CNPY2: variants seen among roughly 807,000 people sequenced by gnomAD.
The protein encoded by CNPY2 is protein canopy homolog 2.
In CNPY2, 19 loss-of-function variants were observed where a neutral mutation model predicts 25.5. That is an observed-to-expected ratio of 0.74 (90% CI 0.52 to 1.09). The LOEUF (loss-of-function observed/expected upper bound fraction) is 1.09. CNPY2 is among the 50% of genes least tolerant of loss of function. The pLI is 0.00. For synonymous variants in CNPY2, 82 were observed against 85.0 expected (o/e 0.96, Z 0.19); for missense variants, 214 against 233.6 (o/e 0.92, Z 0.55).
chr12:56,313,382 C>T (rs1046512700), intron 3 of CNPY2, among the ~76,000 whole-genome samples: 1 of 151,678 alleles, frequency 6.6e-6, no homozygotes, highest in Non-Finnish European at 1.5e-5. Context: ...CCCAGCTACT[C>T]GGGAGGCTGA....
At chr12:56,311,162 C>A in intron 4 of CNPY2, 49 bp downstream of exon 4, 1 of 1,607,670 alleles carries the variant, frequency 6.2e-7, no homozygotes, top group South Asian at 1.1e-5. Context: ...ATTGGTTCTC[C>A]AACAACCCCT....
rs1371859421 is a variant in CNPY2 at position 56,311,389 on chromosome 12, T to C, written c.230A>G (p.His77Arg). The change falls in exon 4 of 6, where the codon CAC becomes CGC. Residue 77 changes from histidine to arginine, a missense_variant. Transcript: ENST00000273308. The part of the protein sequence containing the change: ...VEVPYARSEA[H>R]LTELLEEICD... The stretch of plus-strand genomic sequence containing the variant: ...TATCTCCTCCAGCAGCTCTGTGAGG[T>C]GGGCCTCTGAGCGGGCATAAGGCAC... The C allele has an allele frequency of 6.2e-7, 1 of 1,614,156 alleles. No homozygotes were observed. Among genetic ancestry groups the C allele is most frequent in the East Asian group, 2.2e-5 (1 of 44,884 alleles).
At position 56,310,529 on chromosome 12, in the gene CNPY2, C is replaced by A. The variant is rs1392935709; in HGVS notation, c.*23G>T. The A allele has an allele frequency of 1.2e-6, 2 of 1,613,416 alleles. No individual in the cohort carries two copies. The highest frequency in any genetic ancestry group is 2.7e-5 in the African/African-American group (2 of 74,916). ...CCCCTCCTGGGGGTGATCCATCAAG[C>A]CAGTGTGGGCTGCTCCAGTGGTTCA... On this transcript the variant is annotated 3_prime_UTR_variant, in exon 6 of 6. Transcript: ENST00000273308.
chr12:56,313,640 G>A (rs1873787401), intron 3 of CNPY2, among the ~76,000 whole-genome samples: 1 of 146,768 alleles, frequency 6.8e-6, no homozygotes, highest in Non-Finnish European at 1.5e-5. Flanking sequence ...GAGTCTCGCT[G>A]TGTCGCCCAG....
intron 5 of CNPY2, 150 bp from the exon 6 acceptor site, chr12:56,310,745 G>A (rs554360119): frequency 1.6e-5 from 14 of 896,484 alleles, no homozygotes; most frequent in East Asian, 2.6e-5. Context: ...CATCCCCACT[G>A]TCCTCTCACC....
At chr12:56,314,625 C>A in intron 3 of CNPY2, 1 of 1,407,088 alleles carries the variant, frequency 7.1e-7, no homozygotes, top group Non-Finnish European at 9.2e-7. Flanking sequence ...GATCAGGACT[C>A]CCTGTTTGCT....
At chr12:56,315,686 G>A (rs1592423923) in intron 1 of CNPY2, 135 bp downstream of exon 1, 1 of 167,908 alleles carries the variant, frequency 6.0e-6, no homozygotes. Context: ...GAAGATTCCT[G>A]CGTCCCCACC....
intron 4 of CNPY2, 30 bp downstream of exon 4, chr12:56,311,181 A>G (rs755119079): frequency 1.9e-6 from 3 of 1,612,528 alleles, no homozygotes; most frequent in Non-Finnish European, 2.5e-6. Flanking sequence ...CTTAATGTCC[A>G]AGAACCAGCT....
chr12:56,310,228 G>C lies in CNPY2; in HGVS notation c.*324C>G. The C allele has an allele frequency of 5.0e-6, 3 of 601,272 alleles. No homozygotes were observed. Among genetic ancestry groups the C allele is most frequent in the Non-Finnish European group, 5.9e-6 (2 of 340,162 alleles). The allele number at this position is 601,272 out of a possible 1,614,324, so 37.2% of individuals were successfully genotyped here. A position where few individuals can be genotyped will look rare whatever the true frequency, so the allele number is the denominator to read the frequency against. Reference sequence around the variant, plus strand: ...ACTCTAAAGACGTGGTATTGAGTGGGCACTGACTGAAAGCTTATCTAGTTT... The same window carrying C: ...ACTCTAAAGACGTGGTATTGAGTGGCCACTGACTGAAAGCTTATCTAGTTT... On this transcript the variant is annotated 3_prime_UTR_variant, in exon 6 of 6. Transcript: ENST00000273308.
Position 56,310,504 on chromosome 12 carries a change from C to T in CNPY2, c.*48G>A. The T allele has an allele frequency of 1.3e-6, 2 of 1,594,654 alleles. No individual in the cohort carries two copies. Among genetic ancestry groups the T allele is most frequent in the Non-Finnish European group, 1.7e-6 (2 of 1,162,748 alleles). On this transcript the variant is annotated 3_prime_UTR_variant, in exon 6 of 6. Transcript: ENST00000273308. ...ATATAAAAGGCATTGCCACCATTTT[C>T]CCCTCCTGGGGGTGATCCATCAAGC...
At chr12:56,314,557 G>T in intron 3 of CNPY2, 1 of 1,213,746 alleles carries the variant, frequency 8.2e-7, no homozygotes, top group Non-Finnish European at 1.0e-6. Context: ...ACGGATGTTT[G>T]CATGTATACC....
At chr12:56,311,708 CACCCAGCTA>C (rs1873721901) in intron 3 of CNPY2, 1 of 387,126 alleles carries the variant, frequency 2.6e-6, no homozygotes, top group Non-Finnish European at 4.9e-6. Flanking sequence ...TGCACCACCA[CACCCAGCTA>C]ACTTTTGTAT....
chr12:56,315,120 G>A lies in CNPY2; in HGVS notation c.88+10C>T. On this transcript the variant is annotated intron_variant, in intron 2 of 5. Transcript: ENST00000273308. ...GCTTCCTCCACTTCTTTTTCCCGTT[G>A]TGCCTTTACCTCCACAGTGGAGATC... is the stretch of plus-strand genomic sequence containing the variant. 6.2e-7 allele frequency: 1 copy of A among 1,613,394 alleles called. No individual in the cohort carries two copies. The highest frequency in any genetic ancestry group is 8.5e-7 in the Non-Finnish European group (1 of 1,179,354).
At chr12:56,311,113 T>TG in intron 4 of CNPY2, 59 bp from the exon 5 acceptor site, 1 of 1,603,796 alleles carries the variant, frequency 6.2e-7, no homozygotes, top group Non-Finnish European at 8.5e-7. Flanking sequence ...TTGCCTTCAC[T>TG]TCCAAAGAGG....
Position 56,311,306 on chromosome 12 carries a change from A to G in CNPY2, c.313T>C (p.Tyr105His). 6.2e-7 allele frequency: 1 copy of G among 1,614,156 alleles called. No homozygotes were observed. Among genetic ancestry groups the G allele is most frequent in the East Asian group, 2.2e-5 (1 of 44,886 alleles). Residue 105 changes from tyrosine to histidine, a missense_variant, in exon 4 of 6, where the codon TAC becomes CAC. Tyr to His is a moderately conservative substitution (Grantham distance 83, BLOSUM62 2). Transcript: ENST00000273308. ...CCATTCCGGCCCACTACACGTACGT[A>G]GTTCTTGCGATGGGTGGAAGGATCA... ...QIDPSTHRKN[Y>H]VRVVGRNGES...
At position 56,310,214 on chromosome 12, in the gene CNPY2, G is replaced by T. The variant is rs937496912; in HGVS notation, c.*338C>A. The stretch of plus-strand genomic sequence containing the variant: ...TTCTCCACAATTAGACTCTAAAGAC[G>T]TGGTATTGAGTGGGCACTGACTGAA... On this transcript the variant is annotated 3_prime_UTR_variant, in exon 6 of 6. Transcript: ENST00000273308. 2 of 601,542 alleles carry T rather than the reference G, an allele frequency of 3.3e-6. No homozygotes were observed. Among genetic ancestry groups the T allele is most frequent in the Non-Finnish European group, 5.9e-6 (2 of 340,346 alleles). The allele number at this position is 601,542 out of a possible 1,614,324, so 37.3% of individuals were successfully genotyped here.
At chr12:56,310,881 G>T in intron 5 of CNPY2, 77 bp downstream of exon 5, 3 of 1,297,938 alleles carry the variant, frequency 2.3e-6, no homozygotes, top group Non-Finnish European at 2.2e-6. Flanking sequence ...TTTCTGGGAT[G>T]GGGGTGTATG....
At position 56,311,429 on chromosome 12, in the gene CNPY2, A is replaced by G. The variant is rs1873713559; in HGVS notation, c.205-15T>C. 6.2e-7 allele frequency: 1 copy of G among 1,613,696 alleles called. No individual in the cohort carries two copies. The highest frequency in any genetic ancestry group is 8.5e-7 in the Non-Finnish European group (1 of 1,179,572). On this transcript the variant is annotated splice_polypyrimidine_tract_variant and intron_variant, in intron 3 of 5. Transcript: ENST00000273308. ...GCATAAGGCACCTAGAAATGTCCTC[A>G]GCCTTGGGTCACTCTCTTCTACCTC...
Position 56,310,482 on chromosome 12 carries a change from T to C in CNPY2, c.*70A>G. 1.4e-6 allele frequency: 2 copies of C among 1,445,626 alleles called. No individual in the cohort carries two copies. The highest frequency in any genetic ancestry group is 1.1e-5 in the South Asian group (1 of 87,428). 89.5% of individuals were successfully genotyped at this position (1,445,626 alleles called of 1,614,324 possible). Reference sequence around the variant, plus strand: ...TTAATTTCAGTAAAAACATAATATATAAAAGGCATTGCCACCATTTTCCCC... The same window carrying C: ...TTAATTTCAGTAAAAACATAATATACAAAAGGCATTGCCACCATTTTCCCC... On this transcript the variant is annotated 3_prime_UTR_variant, in exon 6 of 6. Transcript: ENST00000273308.
Sources: gnomAD v4.1 joint callset for allele counts (sites outside exome capture counted in the v4.1 genomes callset) on GRCh38, gnomAD v4.1.1 for gene constraint, MANE v1.5 for transcripts, NCBI Gene and HGNC (gene_info 2026-07-23, HGNC 2026-07-21) for gene names.